Variants in TRAPPC8 observed in about 807,000 individuals in gnomAD.
TRAPPC8 encodes general sporulation gene 1 homolog.
TRAPPC8 carries 54 observed loss-of-function variants against 174.3 expected under a neutral mutation model. That is an observed-to-expected ratio of 0.31 (90% CI 0.25 to 0.39). The LOEUF is 0.39. Among genes scored for constraint, TRAPPC8 ranks in the 10% least tolerant of loss-of-function variants. The pLI, the probability that TRAPPC8 is intolerant of heterozygous loss-of-function variation, is 1.00. For missense variants in TRAPPC8, 1,531 were observed against 1,699.1 expected (o/e 0.90, Z 1.74); for synonymous variants, 630 against 579.9 (o/e 1.09, Z -1.24).
At chr18:31,880,090 A>AAAAATATATAT (rs1259899654) in intron 12 of TRAPPC8, among the ~76,000 whole-genome samples, 3 of 85,358 alleles carry the variant, frequency 3.5e-5, no homozygotes, top group African/African-American at 1.0e-4. Context: ...TGAAAAAAAA[A>AAAAATATATAT]ATATATATAT....
chr18:31,870,207 T>C (rs143787541), intron 16 of TRAPPC8, 165 bp downstream of exon 16: 200 of 515,240 alleles, frequency 3.9e-4, no homozygotes, highest in African/African-American at 3.2e-3. Context: ...TATGTTTTTA[T>C]GTATTTTCAA....
chr18:31,888,992 A>G (rs560088554), intron 12 of TRAPPC8, among the ~76,000 whole-genome samples: 1 of 152,296 alleles, frequency 6.6e-6, no homozygotes, highest in South Asian at 2.1e-4. Context: ...TATGTGTTCT[A>G]TGCACCCTAA....
rs1282537683 is a variant in TRAPPC8, at chr18:31,874,601, G to A, written c.1832C>T (p.Ser611Phe). The A allele has an allele frequency of 6.2e-7, 1 of 1,614,100 alleles. No individual in the cohort carries two copies. The highest frequency in any genetic ancestry group is 1.1e-5 in the South Asian group (1 of 91,072). The change falls in exon 13 of 29, where the codon TCC becomes TTC. Residue 611 changes from serine to phenylalanine, a missense_variant. Coordinates refer to ENST00000283351, the MANE Select transcript of TRAPPC8 (RefSeq NM_014939.5). ...DHINFTIGRQ[S>F]YTLRQLDNAV... The stretch of plus-strand genomic sequence containing the variant: ...ATTATCCAGCTGTCTAAGAGTATAG[G>A]ACTGGCGCCCAATAGTGAAATTAAT...
chr18:31,922,449 G>A lies in TRAPPC8; in HGVS notation c.353-4782C>T, dbSNP rs925860208. Among the ~76,000 whole-genome samples the A allele has an allele frequency of 5.9e-5, 9 of 151,780 alleles. No homozygotes were observed. The East Asian group carries it at 7.8e-4, about 13-fold the overall frequency. ...TCTACAAAAAGTACAAAAATTAGTCGGGAGTGGGACATGAGGCTGTAGCGC... is the reference window on the plus strand; with the variant it reads ...TCTACAAAAAGTACAAAAATTAGTCAGGAGTGGGACATGAGGCTGTAGCGC... On this transcript the variant is annotated intron_variant, in intron 2 of 28. Transcript: ENST00000283351.
chr18:31,831,596 C>T (rs1169550557), intron 28 of TRAPPC8, among the ~76,000 whole-genome samples: 1 of 152,032 alleles, frequency 6.6e-6, no homozygotes. Flanking sequence ...ATATAAGTGT[C>T]TGTACATGAA....
chr18:31,875,549 C>CG (rs2035102150), intron 12 of TRAPPC8, among the ~76,000 whole-genome samples: 1 of 152,070 alleles, frequency 6.6e-6, no homozygotes, highest in Non-Finnish European at 1.5e-5. Flanking sequence ...CAAGACATGA[C>CG]GGGGTTCTCT....
chr18:31,940,312 T>TA (rs1221953810), intron 1 of TRAPPC8, among the ~76,000 whole-genome samples: 8 of 151,408 alleles, frequency 5.3e-5, no homozygotes, highest in Non-Finnish European at 1.0e-4. Flanking sequence ...CTGTCTCTAC[T>TA]AAAAATACAA....
intron 12 of TRAPPC8, chr18:31,883,759 G>C (rs1417489007): frequency 6.6e-6 from 1 of 152,206 alleles, no homozygotes. Flanking sequence ...AAACCCAAAA[G>C]TGGTAACAGT....
chr18:31,884,006 T>C (rs2035584192), intron 12 of TRAPPC8, among the ~76,000 whole-genome samples: 1 of 152,112 alleles, frequency 6.6e-6, no homozygotes, highest in South Asian at 2.1e-4. Context: ...CTGTCCAACA[T>C]GGTGAAACCC....
At chr18:31,911,114 T>C (rs2036885135) in intron 5 of TRAPPC8, among the ~76,000 whole-genome samples, 1 of 152,234 alleles carries the variant, frequency 6.6e-6, no homozygotes, top group Non-Finnish European at 1.5e-5. Flanking sequence ...ACAATACTTA[T>C]ATCAGAAGAT....
chr18:31,909,080 GC>G, intron 6 of TRAPPC8, 70 bp from the exon 7 acceptor site: 1 of 1,329,570 alleles, frequency 7.5e-7, no homozygotes. Context: ...CTACCATACT[GC>G]TAAAGAAAAA....
intron 9 of TRAPPC8, among the ~76,000 whole-genome samples, chr18:31,902,333 A>C (rs1355155827): frequency 6.6e-6 from 1 of 152,136 alleles, no homozygotes; most frequent in Non-Finnish European, 1.5e-5. Flanking sequence ...TCGGTCTCAA[A>C]AAACAAACAA....
At chr18:31,909,557 TTCTG>T in intron 6 of TRAPPC8, 106 bp downstream of exon 6, 3 of 1,449,412 alleles carry the variant, frequency 2.1e-6, no homozygotes, top group Non-Finnish European at 2.7e-6. Context: ...CCCAATATCT[TTCTG>T]TATTATGAAA....
chr18:31,935,355 C>CCAACCACCCA (rs2038039076), intron 1 of TRAPPC8, among the ~76,000 whole-genome samples: 1 of 16,064 alleles, frequency 6.2e-5, no homozygotes. Flanking sequence ...AACAAACAAA[C>CCAACCACCCA]AAACAAACCA....
chr18:31,837,555 G>A (rs1481386723), intron 27 of TRAPPC8, among the ~76,000 whole-genome samples: 3 of 151,976 alleles, frequency 2.0e-5, no homozygotes, highest in Non-Finnish European at 4.4e-5. Context: ...TGGCTGACCT[G>A]GTGGTGTACA....
At chr18:31,848,502 T>C (rs1471524050) in intron 25 of TRAPPC8, among the ~76,000 whole-genome samples, 1 of 152,206 alleles carries the variant, frequency 6.6e-6, no homozygotes, top group Non-Finnish European at 1.5e-5. Flanking sequence ...GCCAATAATG[T>C]ATAACTGATC....
At chr18:31,936,596 T>G (rs1222386514) in intron 1 of TRAPPC8, among the ~76,000 whole-genome samples, 2 of 152,062 alleles carry the variant, frequency 1.3e-5, no homozygotes, top group African/African-American at 4.8e-5. Flanking sequence ...TGATGAAATA[T>G]TTCCAACTAA....
In TRAPPC8 at chr18:31,890,738, C is replaced by G; in HGVS notation, c.1725G>C (p.Gly575=). 1 of 1,609,984 alleles carries G rather than the reference C, an allele frequency of 6.2e-7. No homozygotes were observed. The stretch of plus-strand genomic sequence containing the variant: ...ATTGTAAAGCAAATGCACTCACCTG[C>G]CCTGCTTTACTAAATCGATGGCCTG... ...ILAGHRFSKA[G]QKKHALRCYC... Residue 575 remains glycine (G), a synonymous_variant, in exon 12 of 29, where the codon GGG becomes GGC. Transcript: ENST00000283351.
In TRAPPC8 at chr18:31,857,618, C is replaced by T. The variant is rs528875102; in HGVS notation, c.3110G>A (p.Arg1037His). The change falls in exon 20 of 29, where the codon CGT (arginine) becomes CAT (histidine). Residue 1037 changes from arginine (R) to histidine (H), a missense_variant. By Grantham distance (29) the Arg-to-His change is conservative (BLOSUM62 0). Transcript: ENST00000283351. ...ATGGACACCTTCTTCATCAGGCCCACGTAACCACATTGGCAGCTGCACTGA... is the reference window on the plus strand; with the variant it reads ...ATGGACACCTTCTTCATCAGGCCCATGTAACCACATTGGCAGCTGCACTGA... ...GASVQLPMWL[R>H]GPDEEGVHEI... The T allele has an allele frequency of 2.5e-6, 4 of 1,614,056 alleles. No homozygotes were observed. The highest frequency in any genetic ancestry group is 2.2e-5 in the East Asian group (1 of 44,880).
Sources: gnomAD v4.1 joint callset for allele counts (sites outside exome capture counted in the v4.1 genomes callset) on GRCh38, gnomAD v4.1.1 for gene constraint, MANE v1.5 for transcripts, NCBI Gene and HGNC (gene_info 2026-07-23, HGNC 2026-07-21) for gene names.